The following FMN1 variants were observed in gnomAD, a reference collection of about 807,000 sequenced individuals.
FMN1 encodes formin-1.
A neutral mutation model predicts 132.4 loss-of-function variants in FMN1; 110 were observed. The observed-to-expected ratio is 0.83, with a 90% CI of 0.71 to 0.97. The LOEUF (loss-of-function observed/expected upper bound fraction) is 0.97. FMN1 is among the 50% of genes least tolerant of loss of function. The pLI is 0.00. For synonymous variants in FMN1, 722 were observed against 651.7 expected (o/e 1.11, Z -1.64); for missense variants, 1,792 against 1,705.3 (o/e 1.05, Z -0.90).
intron 16 of FMN1, among the ~76,000 whole-genome samples, chr15:32,880,229 T>C (rs898908686): frequency 1.3e-5 from 2 of 152,176 alleles, no homozygotes; most frequent in Admixed American, 6.5e-5. Context: ...AGCTGATATA[T>C]GGAAACTCTG....
intron 15 of FMN1, 65 bp downstream of exon 15, chr15:32,898,769 A>G (rs1035681838): frequency 2.8e-6 from 3 of 1,054,434 alleles, no homozygotes; most frequent in Non-Finnish European, 4.4e-6. Context: ...TCTATCCATC[A>G]TCCAACTTAT....
At chr15:33,009,924 T>C (rs1206719328) in intron 6 of FMN1, among the ~76,000 whole-genome samples, 1 of 152,168 alleles carries the variant, frequency 6.6e-6, no homozygotes, top group Non-Finnish European at 1.5e-5. Flanking sequence ...GTTTCACTCG[T>C]TTCCCAGGCT....
intron 8 of FMN1, among the ~76,000 whole-genome samples, chr15:32,967,488 T>C (rs565372805): frequency 1.3e-5 from 2 of 152,192 alleles, no homozygotes; most frequent in Non-Finnish European, 2.9e-5. Context: ...TGGGAAATGA[T>C]TTTTTAGGAA....
intron 10 of FMN1, among the ~76,000 whole-genome samples, chr15:32,912,898 C>A (rs751213610): frequency 6.6e-6 from 1 of 152,134 alleles, no homozygotes; most frequent in Non-Finnish European, 1.5e-5. Context: ...CTTAGCATAG[C>A]ACGTAGAACA....
At chr15:33,128,328 TCTGATTCCGGGC>T (rs1184012420) in intron 4 of FMN1, among the ~76,000 whole-genome samples, 2 of 151,950 alleles carry the variant, frequency 1.3e-5, no homozygotes, top group East Asian at 3.9e-4. Context: ...ATCAACGGGG[TCTGATTCCGGGC>T]CTGATCCTTG....
intron 4 of FMN1, 28 bp downstream of exon 4, chr15:33,153,020 A>T: frequency 6.8e-7 from 1 of 1,472,268 alleles, no homozygotes; most frequent in Non-Finnish European, 8.9e-7. Flanking sequence ...CCAAGAATAG[A>T]TTCAAAGCAT....
At chr15:33,124,559 T>C (rs929163164) in intron 4 of FMN1, among the ~76,000 whole-genome samples, 2 of 149,336 alleles carry the variant, frequency 1.3e-5, no homozygotes, top group Non-Finnish European at 3.0e-5. Flanking sequence ...GGTTGAGTCA[T>C]CGGAGTAGGA....
intron 17 of FMN1, among the ~76,000 whole-genome samples, chr15:32,826,997 G>A (rs1259188395): frequency 1.3e-5 from 2 of 152,220 alleles, no homozygotes; most frequent in East Asian, 3.8e-4. Flanking sequence ...CAGAGGAGGG[G>A]ATTCAGGGAT....
At chr15:33,004,895 G>A (rs2034328176) in intron 7 of FMN1, among the ~76,000 whole-genome samples, 2 of 152,112 alleles carry the variant, frequency 1.3e-5, no homozygotes, top group South Asian at 2.1e-4. Context: ...GTAGGGACAT[G>A]GATGAAGCTG....
intron 17 of FMN1, among the ~76,000 whole-genome samples, chr15:32,816,249 C>T (rs190855751): frequency 6.6e-6 from 1 of 152,226 alleles, no homozygotes; most frequent in East Asian, 1.9e-4. Context: ...CCACATACCA[C>T]AAAACGTGCT....
intron 3 of FMN1, among the ~76,000 whole-genome samples, chr15:33,169,503 C>T (rs1965232781): frequency 6.6e-6 from 1 of 152,006 alleles, no homozygotes; most frequent in South Asian, 2.1e-4. Flanking sequence ...GTTGAGATTC[C>T]TAATGGGAAG....
At position 32,969,496 on chromosome 15, in the gene FMN1, G is replaced by A. The variant is rs1310303910; in HGVS notation, c.2224-19C>T. On this transcript the variant is annotated intron_variant, in intron 7 of 20. Transcript: ENST00000616417. ...ACTGTGCCTATAGGAAAATTCAGAG[G>A]GAAAGAAAGTAATGAGTTTATTAAG... The A allele has an allele frequency of 1.2e-6, 2 of 1,607,920 alleles. No individual in the cohort carries two copies. Among genetic ancestry groups the A allele is most frequent in the Non-Finnish European group, 1.7e-6 (2 of 1,177,132 alleles).
At position 32,888,158 on chromosome 15, in the gene FMN1, A is replaced by C; in HGVS notation, c.3835+14T>G. The C allele has an allele frequency of 6.3e-7, 1 of 1,597,540 alleles. No homozygotes were observed. The highest frequency in any genetic ancestry group is 8.5e-7 in the Non-Finnish European group (1 of 1,173,588). Reference sequence around the variant, plus strand: ...TCTTAGCTATTATCATAATAGCAGAACAGTTCCTATTACCTTCTAGTTGCC... The same window carrying C: ...TCTTAGCTATTATCATAATAGCAGACCAGTTCCTATTACCTTCTAGTTGCC... On this transcript the variant is annotated intron_variant, in intron 16 of 20. Transcript: ENST00000616417.
intron 19 of FMN1, among the ~76,000 whole-genome samples, chr15:32,790,485 T>A (rs771992657): frequency 1.1e-4 from 16 of 152,212 alleles, no homozygotes; most frequent in Non-Finnish European, 1.8e-4. Flanking sequence ...CTGCCATCTC[T>A]GTGGGGAGTT....
chr15:33,049,699 C>A lies in FMN1; in HGVS notation c.2161+15258G>T, dbSNP rs568413165. Among the ~76,000 whole-genome samples the A allele has an allele frequency of 1.3e-4, 20 of 152,368 alleles. 1 individual carries two copies. The highest frequency in any genetic ancestry group is 1.2e-3 in the Admixed American group (19 of 15,310). ...AGATGTAAACTGACCTCAGCCAACA[C>A]CTGTGCCAATCACTGAGTTTTAGCC... On this transcript the variant is annotated intron_variant, in intron 6 of 20. Coordinates refer to ENST00000616417, the MANE Select transcript of FMN1 (RefSeq NM_001277313.2).
At chr15:32,820,868 A>G (rs146201079) in intron 17 of FMN1, among the ~76,000 whole-genome samples, 1,786 of 152,228 alleles carry the variant, frequency 0.012, 16 homozygotes, top group Non-Finnish European at 0.019. Flanking sequence ...AACGTTTATC[A>G]TTTTTAAATT....
intron 2 of FMN1, among the ~76,000 whole-genome samples, chr15:33,182,851 A>C (rs1348485596): frequency 2.0e-5 from 3 of 152,226 alleles, no homozygotes; most frequent in African/African-American, 7.2e-5. Context: ...ATTAACAGCT[A>C]CTATTACTTG....
At chr15:32,854,585 T>G (rs1017450881) in intron 17 of FMN1, among the ~76,000 whole-genome samples, 1 of 152,244 alleles carries the variant, frequency 6.6e-6, no homozygotes, top group African/African-American at 2.4e-5. Flanking sequence ...TAGGAGCTGA[T>G]GAGCTGATTG....
chr15:32,893,308 CA>C (rs1374471348), intron 15 of FMN1, among the ~76,000 whole-genome samples: 1 of 152,254 alleles, frequency 6.6e-6, no homozygotes, highest in Admixed American at 6.5e-5. Context: ...TGGAAGAACT[CA>C]GGCATAGTAT....
Sources: allele counts gnomAD v4.1 joint callset (sites outside exome capture counted in the v4.1 genomes callset), GRCh38; gene constraint gnomAD v4.1.1; transcripts MANE v1.5; gene names NCBI Gene and HGNC (gene_info 2026-07-23, HGNC 2026-07-21).